The following CPS1 variants were observed in gnomAD, a reference collection of about 807,000 sequenced individuals.
CPS1 encodes the protein carbamoyl-phosphate synthase 1.
In CPS1, 109 loss-of-function variants were observed where a neutral mutation model predicts 174.6. That is an observed-to-expected ratio of 0.62 (90% CI 0.53 to 0.73). The LOEUF is 0.73. Ranked by LOEUF, CPS1 falls within the 30% of genes least tolerant of loss-of-function variation. The pLI, the probability that CPS1 is intolerant of heterozygous loss-of-function variation, is 0.00. For synonymous variants in CPS1, 637 were observed against 632.0 expected (o/e 1.01, Z -0.12); for missense variants, 1,689 against 1,821.9 (o/e 0.93, Z 1.33).
chr2:210,510,203 A>C (rs150124447), intron 1 of CPS1, among the ~76,000 whole-genome samples: 1,912 of 152,324 alleles, frequency 0.013, 35 homozygotes, highest in African/African-American at 0.043. Flanking sequence ...AACAGAACAG[A>C]GCCCTCAGAA....
intron 4 of CPS1, among the ~76,000 whole-genome samples, chr2:210,579,135 C>G (rs1175508508): frequency 6.6e-6 from 1 of 152,070 alleles, no homozygotes; most frequent in African/African-American, 2.4e-5. Context: ...TTAAAAAAAT[C>G]TTATTTTAGT....
chr2:210,550,662 C>T (rs191836141), intron 1 of CPS1, among the ~76,000 whole-genome samples: 5 of 151,940 alleles, frequency 3.3e-5, no homozygotes, highest in Middle Eastern at 6.8e-3. Flanking sequence ...TATTTAAATA[C>T]CCTATTTTCA....
In CPS1 at chr2:210,590,781, A is replaced by C. The variant is rs1255276981; in HGVS notation, c.841-19A>C. On this transcript the variant is annotated intron_variant, in intron 8 of 37. Transcript: ENST00000233072. ...TTGGAACTGTACTAATTGGTTAATAAAAATTCTCCCTGATTTAGATTTTGG... is the reference window on the plus strand; with the variant it reads ...TTGGAACTGTACTAATTGGTTAATACAAATTCTCCCTGATTTAGATTTTGG... The C allele has an allele frequency of 6.2e-7, 1 of 1,601,222 alleles. No individual in the cohort carries two copies. Among genetic ancestry groups the C allele is most frequent in the Admixed American group, 1.7e-5 (1 of 59,748 alleles).
chr2:210,534,472 G>A (rs543549575), intron 1 of CPS1, among the ~76,000 whole-genome samples: 1 of 152,268 alleles, frequency 6.6e-6, no homozygotes, highest in East Asian at 1.9e-4. Context: ...GCATTTCTAG[G>A]ATTGTCCCAC....
intron 6 of CPS1, among the ~76,000 whole-genome samples, chr2:210,585,369 T>C (rs1698071579): frequency 6.6e-6 from 1 of 152,068 alleles, no homozygotes; most frequent in South Asian, 2.1e-4. Flanking sequence ...AAAATTATCA[T>C]TATTACTAAT....
intron 33 of CPS1, among the ~76,000 whole-genome samples, chr2:210,665,629 TC>T (rs1413794243): frequency 6.6e-6 from 1 of 151,906 alleles, no homozygotes; most frequent in Non-Finnish European, 1.5e-5. Flanking sequence ...TCCAATATCA[TC>T]CATGTCCCTA....
At position 210,480,211 on chromosome 2, in the gene CPS1, T is replaced by C. The variant is rs550591257; in HGVS notation, c.3+2445T>C. On this transcript the variant is annotated intron_variant, in intron 1 of 38. Transcript: ENST00000430249. ...TCATAGGTGTGTCGGTATTGCAGCT[T>C]GTGAGAAGGTCAGGCACACCCAGAG... Among the ~76,000 whole-genome samples, 13 of 152,260 alleles carry C rather than the reference T, an allele frequency of 8.5e-5. No individual in the cohort carries two copies. In the South Asian group the frequency reaches 2.7e-3, roughly 32 times the overall value.
intron 1 of CPS1, among the ~76,000 whole-genome samples, chr2:210,494,851 G>T (rs1487386157): frequency 1.3e-5 from 2 of 152,144 alleles, no homozygotes; most frequent in Non-Finnish European, 2.9e-5. Context: ...CATGGTTGCT[G>T]GTTCTCTATG....
intron 1 of CPS1, among the ~76,000 whole-genome samples, chr2:210,509,352 A>C (rs2105972567): frequency 6.6e-6 from 1 of 152,198 alleles, no homozygotes. Context: ...AAAAACTCTC[A>C]ATAAATTAGG....
intron 26 of CPS1, 81 bp from the exon 27 acceptor site, chr2:210,648,392 C>T: frequency 2.5e-6 from 3 of 1,210,132 alleles, no homozygotes; most frequent in Non-Finnish European, 3.6e-6. Context: ...TGGGCTACCA[C>T]TCGAGCTAAT....
At chr2:210,542,421 T>G (rs1057001840) in intron 1 of CPS1, among the ~76,000 whole-genome samples, 2 of 152,096 alleles carry the variant, frequency 1.3e-5, no homozygotes, top group Non-Finnish European at 2.9e-5. Context: ...CTTACTTTAT[T>G]AGAAAGTAGA....
intron 15 of CPS1, among the ~76,000 whole-genome samples, chr2:210,601,613 AGG>A (rs1466888332): frequency 5.3e-5 from 8 of 151,980 alleles, no homozygotes; most frequent in Non-Finnish European, 1.2e-4. Flanking sequence ...CATATGGGAA[AGG>A]TGTAATTACA....
At chr2:210,646,455 C>T (rs557172617) in intron 25 of CPS1, among the ~76,000 whole-genome samples, 13 of 152,030 alleles carry the variant, frequency 8.6e-5, no homozygotes, top group Non-Finnish European at 1.6e-4. Flanking sequence ...TACACAGTAC[C>T]GTAATTGCTC....
chr2:210,549,378 A>G (rs988909371), intron 1 of CPS1, among the ~76,000 whole-genome samples: 2 of 151,982 alleles, frequency 1.3e-5, no homozygotes, highest in Non-Finnish European at 1.5e-5. Context: ...TCTTAACAGT[A>G]TTTGCTATTT....
intron 2 of CPS1, among the ~76,000 whole-genome samples, chr2:210,574,250 A>C (rs1697611772): frequency 1.3e-5 from 2 of 152,064 alleles, no homozygotes; most frequent in African/African-American, 2.4e-5. Context: ...GTGTCTTAAA[A>C]ACATGACTAG....
intron 27 of CPS1, 37 bp downstream of exon 27, chr2:210,648,577 A>G: frequency 6.5e-7 from 1 of 1,537,164 alleles, no homozygotes; most frequent in South Asian, 1.1e-5. Context: ...CAATGATTCA[A>G]AAATTGGGAG....
chr2:210,580,874 A>G (rs976469833), intron 5 of CPS1, among the ~76,000 whole-genome samples: 6 of 151,814 alleles, frequency 4.0e-5, no homozygotes, highest in African/African-American at 1.5e-4. Context: ...AAAAAAAAAA[A>G]AGTACATATG....
At chr2:210,554,085 ATGTATATGTATG>A (rs1696804168), upstream of CPS1, among the ~76,000 whole-genome samples, 4 of 146,722 alleles carry the variant, frequency 2.7e-5, no homozygotes, top group African/African-American at 7.6e-5. Flanking sequence ...ATACATACAT[ATGTATATGTATG>A]TATATACACA....
At chr2:210,602,431 T>G in intron 16 of CPS1, 101 bp downstream of exon 16, 1 of 1,413,864 alleles carries the variant, frequency 7.1e-7, no homozygotes, top group South Asian at 1.2e-5. Flanking sequence ...TACATTTTCT[T>G]TATTAAATCA....
Sources: allele counts gnomAD v4.1 joint callset (sites outside exome capture counted in the v4.1 genomes callset), GRCh38; gene constraint gnomAD v4.1.1; transcripts MANE v1.5; gene names NCBI Gene and HGNC (gene_info 2026-07-23, HGNC 2026-07-21).